The following TNKS variants were observed in gnomAD, a reference collection of about 807,000 sequenced individuals.
The protein encoded by TNKS is tankyrase, also known as poly [ADP-ribose] polymerase tankyrase-1.
TNKS carries 72 observed loss-of-function variants against 135.8 expected under a neutral mutation model. The observed-to-expected ratio is 0.53, with a 90% confidence interval of 0.44 to 0.64. The LOEUF (loss-of-function observed/expected upper bound fraction) is 0.64, where lower values mean the gene tolerates loss of function less well. Among genes scored for constraint, TNKS ranks in the 30% least tolerant of loss-of-function variants. TNKS has a pLI of 0.00. For missense variants in TNKS, 1,769 were observed against 1,674.0 expected (o/e 1.06, Z -0.99); for synonymous variants, 849 against 649.3 (o/e 1.31, Z -4.68).
intron 2 of TNKS, among the ~76,000 whole-genome samples, chr8:9,611,517 T>C (rs577095828): frequency 6.6e-6 from 1 of 152,362 alleles, no homozygotes; most frequent in Non-Finnish European, 1.5e-5. Flanking sequence ...TTTTACAAGA[T>C]AAATTTCTAA....
intron 25 of TNKS, among the ~76,000 whole-genome samples, chr8:9,767,462 G>A (rs894008549): frequency 1.3e-5 from 2 of 152,166 alleles, no homozygotes; most frequent in Non-Finnish European, 2.9e-5. Flanking sequence ...ATTTGGTTAA[G>A]ACCTTAAAAA....
At chr8:9,638,250 C>A (rs972298878) in intron 3 of TNKS, among the ~76,000 whole-genome samples, 1 of 152,220 alleles carries the variant, frequency 6.6e-6, no homozygotes, top group African/African-American at 2.4e-5. Context: ...GTTGGGATTA[C>A]AGATACAAGG....
chr8:9,689,845 G>A (rs543901775), intron 5 of TNKS, among the ~76,000 whole-genome samples: 2 of 152,180 alleles, frequency 1.3e-5, no homozygotes, highest in African/African-American at 4.8e-5. Context: ...AAGGTGGACC[G>A]ATTCCCTCCT....
intron 1 of TNKS, among the ~76,000 whole-genome samples, chr8:9,568,414 C>G (rs1433762024): frequency 6.6e-6 from 1 of 152,066 alleles, no homozygotes; most frequent in Non-Finnish European, 1.5e-5. Context: ...CTTTTTCACA[C>G]TCTTAAAAAT....
intron 20 of TNKS, among the ~76,000 whole-genome samples, chr8:9,757,850 A>G (rs997805417): frequency 3.3e-5 from 5 of 152,252 alleles, no homozygotes; most frequent in Non-Finnish European, 7.3e-5. Flanking sequence ...GAAGGTACTC[A>G]TTAAACATTT....
chr8:9,619,959 T>TA (rs555590997), intron 3 of TNKS, among the ~76,000 whole-genome samples: 112 of 151,632 alleles, frequency 7.4e-4, no homozygotes, highest in South Asian at 5.6e-3. Context: ...TTTATTTATT[T>TA]TTTTTTTTTG....
Position 9,702,702 on chromosome 8 carries a change from G to A in TNKS, c.1108-1961G>A, listed in dbSNP as rs1269008889. On this transcript the variant is annotated intron_variant, in intron 5 of 26. Transcript: ENST00000310430. ...ACATGTTTGATGATAAAAAATTTTA[G>A]TTGCCTATTTTTACATGGCATTTTA... Among the ~76,000 whole-genome samples the A allele has an allele frequency of 2.0e-5, 3 of 152,070 alleles. No individual in the cohort carries two copies. In the East Asian group the frequency reaches 5.8e-4, roughly 29 times the overall value.
At chr8:9,573,586 A>G (rs1797839838) in intron 1 of TNKS, among the ~76,000 whole-genome samples, 2 of 152,180 alleles carry the variant, frequency 1.3e-5, no homozygotes, top group South Asian at 4.1e-4. Context: ...TATATGAGAG[A>G]GTTCCATGAG....
intron 23 of TNKS, among the ~76,000 whole-genome samples, chr8:9,765,102 T>A (rs1807354532): frequency 6.6e-6 from 1 of 152,224 alleles, no homozygotes. Context: ...CTGACAATAA[T>A]GTTTTTTATC....
intron 3 of TNKS, among the ~76,000 whole-genome samples, chr8:9,619,451 CGTT>C (rs1287673190): frequency 6.6e-6 from 1 of 152,214 alleles, no homozygotes; most frequent in East Asian, 1.9e-4. Flanking sequence ...GAATGTTTGT[CGTT>C]GTCAGGACCA....
At chr8:9,673,821 A>T (rs1563159344) in intron 3 of TNKS, among the ~76,000 whole-genome samples, 1 of 152,150 alleles carries the variant, frequency 6.6e-6, no homozygotes, top group Non-Finnish European at 1.5e-5. Context: ...AAGCTTCTCA[A>T]ATAATAACTT....
intron 2 of TNKS, among the ~76,000 whole-genome samples, chr8:9,583,584 G>A (rs1474233896): frequency 6.6e-6 from 1 of 151,944 alleles, no homozygotes; most frequent in East Asian, 2.0e-4. Flanking sequence ...TGCCTCCTGG[G>A]TTCAAGTGAT....
chr8:9,622,141 GAGA>G (rs1342122934), intron 3 of TNKS, among the ~76,000 whole-genome samples: 3 of 152,108 alleles, frequency 2.0e-5, no homozygotes, highest in African/African-American at 4.8e-5. Flanking sequence ...GACAATTTAG[GAGA>G]AGAATGTAAA....
At position 9,746,881 on chromosome 8, in the gene TNKS, C is replaced by CTTTTTTTTTTT. The variant is rs10672387; in HGVS notation, c.2644-1134_2644-1124dup. ...TCTGAGAGTTTCATACCTACTTAAA[C>CTTTTTTTTTTT]TTTTTTTTTTTTTTTTTTTGAGACG... is the stretch of plus-strand genomic sequence containing the variant. On this transcript the variant is annotated intron_variant, in intron 17 of 26. Coordinates refer to ENST00000310430, the MANE Select transcript of TNKS (RefSeq NM_003747.3). 6.1e-3 allele frequency among the ~76,000 whole-genome samples: 709 copies of CTTTTTTTTTTT among 117,122 alleles called. 55 individuals carry two copies. The highest frequency in any genetic ancestry group is 0.024 in the African/African-American group (667 of 27,480). 76.8% of individuals were successfully genotyped at this position (117,122 alleles called of 152,430 possible).
rs138178554 is a variant in TNKS at position 9,702,729 on chromosome 8, A to T, written c.1108-1934A>T. Among the ~76,000 whole-genome samples the T allele has an allele frequency of 1.7e-3, 260 of 150,826 alleles. 1 individual carries two copies. The highest frequency in any genetic ancestry group is 0.012 in the Admixed American group (188 of 15,120). ...TGCCTATTTTTACATGGCATTTTAC[A>T]TTTTAAAAAAGCACAGTGGCTCACG... On this transcript the variant is annotated intron_variant, in intron 5 of 26. Transcript: ENST00000310430.
chr8:9,604,833 T>A (rs1799156061), intron 2 of TNKS, among the ~76,000 whole-genome samples: 1 of 151,862 alleles, frequency 6.6e-6, no homozygotes, highest in South Asian at 2.1e-4. Context: ...ATGTTAGGCC[T>A]TTTAGTTTCC....
chr8:9,573,663 T>C (rs1461146693), intron 1 of TNKS, among the ~76,000 whole-genome samples: 3 of 152,180 alleles, frequency 2.0e-5, no homozygotes, highest in Non-Finnish European at 4.4e-5. Flanking sequence ...ATGGGATCTT[T>C]TTACGCTTAA....
At chr8:9,572,024 G>A (rs561935342) in intron 1 of TNKS, among the ~76,000 whole-genome samples, 2 of 152,128 alleles carry the variant, frequency 1.3e-5, no homozygotes, top group East Asian at 3.9e-4. Flanking sequence ...GTAATTATTT[G>A]TTAGGGTGAT....
Position 9,724,092 on chromosome 8 carries a change from A to G in TNKS, c.1922-2549A>G, listed in dbSNP as rs189818758. On this transcript the variant is annotated intron_variant, in intron 12 of 26. Coordinates refer to ENST00000310430, the MANE Select transcript of TNKS (RefSeq NM_003747.3). ...AACTTTTTAAAAACTCTAATGAGCC[A>G]GAAAAAGATTGGAGACAAAATAAGA... Among the ~76,000 whole-genome samples the G allele has an allele frequency of 1.6e-4, 25 of 152,364 alleles. No homozygotes were observed. The East Asian group carries it at 4.6e-3, about 28-fold the overall frequency.
Sources: allele counts gnomAD v4.1 joint callset (sites outside exome capture counted in the v4.1 genomes callset), GRCh38; gene constraint gnomAD v4.1.1; transcripts MANE v1.5; gene names NCBI Gene and HGNC (gene_info 2026-07-23, HGNC 2026-07-21).